Variants in ELP1 observed in about 807,000 individuals in gnomAD.
ELP1 encodes elongator acetyltransferase complex subunit 1, also known as elongator complex protein 1.
In ELP1, 131 loss-of-function variants were observed where a neutral mutation model predicts 183.2. The ratio of observed to expected loss-of-function variants is 0.72; its 90% CI spans 0.62 to 0.83. The LOEUF is 0.83. Among genes scored for constraint, ELP1 ranks in the 40% least tolerant of loss-of-function variants. The pLI is 0.00. For synonymous variants in ELP1, 555 were observed against 569.0 expected, an observed-to-expected ratio of 0.98 and a Z score of 0.35; for missense variants, 1,550 against 1,594.9, an observed-to-expected ratio of 0.97 and a Z score of 0.48.
At chr9:108,895,602 G>C (rs541100615) in intron 25 of ELP1, among the ~76,000 whole-genome samples, 3 of 152,172 alleles carry the variant, frequency 2.0e-5, no homozygotes, top group Non-Finnish European at 4.4e-5. Context: ...TCAAGGAAGG[G>C]TTTTTAAGCA....
intron 13 of ELP1, 118 bp from the exon 14 acceptor site, chr9:108,906,603 G>T: frequency 1.2e-6 from 1 of 800,124 alleles, no homozygotes. Flanking sequence ...ATTATTTGGA[G>T]GGACAAAACC....
intron 29 of ELP1, among the ~76,000 whole-genome samples, chr9:108,886,176 T>C (rs1828114405): frequency 6.6e-6 from 1 of 152,180 alleles, no homozygotes; most frequent in South Asian, 2.1e-4. Context: ...TTTCCCCATG[T>C]GGCCTCCTAG....
intron 6 of ELP1, among the ~76,000 whole-genome samples, chr9:108,919,719 A>C (rs2132032194): frequency 6.6e-6 from 1 of 152,314 alleles, no homozygotes; most frequent in Middle Eastern, 3.4e-3. Flanking sequence ...TTTTGTTTAC[A>C]TATTGTGTAA....
Position 108,889,534 on chromosome 9 carries a change from TC to T in ELP1, c.3161-142del, listed in dbSNP as rs1467560270. On this transcript the variant is annotated intron_variant, in intron 28 of 36. Coordinates refer to ENST00000374647, the MANE Select transcript of ELP1 (RefSeq NM_003640.5). ...GGGAATAGGTATATACACCACAGAG[TC>T]CTATCTTAAATGGCAGCTAGAATCT... 1.6e-5 allele frequency: 12 copies of T among 759,704 alleles called. No homozygotes were observed. In the African/African-American group the frequency reaches 1.9e-4, roughly 12 times the overall value. The allele number at this position is 759,704 out of a possible 1,614,324, so 47.1% of individuals were successfully genotyped here.
At chr9:108,876,209 G>A (rs928735713) in intron 35 of ELP1, among the ~76,000 whole-genome samples, 1 of 152,078 alleles carries the variant, frequency 6.6e-6, no homozygotes, top group Non-Finnish European at 1.5e-5. Context: ...CCGGGGCGGT[G>A]GATGCTGCAG....
At chr9:108,898,776 A>G in intron 20 of ELP1, 27 bp from the exon 21 acceptor site, 1 of 1,531,928 alleles carries the variant, frequency 6.5e-7, no homozygotes. Flanking sequence ...AAAGAATAGA[A>G]AAGATATTCA....
At chr9:108,908,036 A>G (rs1030869422) in intron 13 of ELP1, among the ~76,000 whole-genome samples, 1 of 152,142 alleles carries the variant, frequency 6.6e-6, no homozygotes, top group African/African-American at 2.4e-5. Context: ...TCTTTCCCAC[A>G]TGATTTTTCC....
chr9:108,922,800 T>TA, intron 6 of ELP1, 42 bp downstream of exon 6: 1 of 1,486,678 alleles, frequency 6.7e-7, no homozygotes, highest in South Asian at 1.1e-5. Context: ...CAAACTTACA[T>TA]TTGTTCCAGT....
At chr9:108,908,063 A>G (rs922971128) in intron 13 of ELP1, among the ~76,000 whole-genome samples, 1 of 152,130 alleles carries the variant, frequency 6.6e-6, no homozygotes, top group African/African-American at 2.4e-5. Context: ...ACCAAGCGCT[A>G]TTGGGAGTAG....
intron 18 of ELP1, among the ~76,000 whole-genome samples, chr9:108,900,753 A>AAC (rs1352504409): frequency 1.3e-5 from 2 of 151,874 alleles, no homozygotes; most frequent in Non-Finnish European, 2.9e-5. Flanking sequence ...TAGAATAAGG[A>AAC]ACACACACAC....
At chr9:108,906,177 G>C (rs1455599417) in intron 14 of ELP1, 126 bp downstream of exon 14, 3 of 860,354 alleles carry the variant, frequency 3.5e-6, no homozygotes, top group Non-Finnish European at 3.8e-6. Context: ...CTTGTTAAGT[G>C]TGTCTAACAA....
At chr9:108,882,287 G>T in intron 29 of ELP1, 100 bp from the exon 30 acceptor site, 1 of 940,666 alleles carries the variant, frequency 1.1e-6, no homozygotes, top group South Asian at 1.3e-5. Context: ...CTATCTCCCT[G>T]GCCAGGGGAG....
At chr9:108,905,150 A>G (rs1388555697) in intron 14 of ELP1, among the ~76,000 whole-genome samples, 1 of 152,252 alleles carries the variant, frequency 6.6e-6, no homozygotes, top group Non-Finnish European at 1.5e-5. Context: ...ACGAAAGACT[A>G]TGAGTCAAAG....
In ELP1 at chr9:108,885,496, A is replaced by C. The variant is rs1438803582; in HGVS notation, c.3223-3309T>G. On this transcript the variant is annotated intron_variant, in intron 29 of 36. Coordinates refer to ENST00000374647, the MANE Select transcript of ELP1 (RefSeq NM_003640.5). Reference sequence around the variant, plus strand: ...AAACTTGAATAGGCTAATGTCTACTAAAGTAACTGAACTAATAGTGGAAAA... The same window carrying C: ...AAACTTGAATAGGCTAATGTCTACTCAAGTAACTGAACTAATAGTGGAAAA... Among the ~76,000 whole-genome samples, 3 of 131,386 alleles carry C rather than the reference A, an allele frequency of 2.3e-5. No homozygotes were observed. The Admixed American group carries it at 2.4e-4, about 11-fold the overall frequency. 86.2% of individuals were successfully genotyped at this position (131,386 alleles called of 152,430 possible). A position where few individuals can be genotyped will look rare whatever the true frequency, so the allele number is the denominator to read the frequency against.
chr9:108,875,044 C>A, intron 35 of ELP1, 74 bp from the exon 36 acceptor site: 1 of 976,730 alleles, frequency 1.0e-6, no homozygotes, highest in Non-Finnish European at 1.7e-6. Flanking sequence ...AAGGCCAAAT[C>A]CCTACCCCCA....
intron 16 of ELP1, 35 bp from the exon 17 acceptor site, chr9:108,901,716 C>T: frequency 6.2e-7 from 1 of 1,602,528 alleles, no homozygotes; most frequent in African/African-American, 1.3e-5. Context: ...ACAAGCAATT[C>T]TATCTCAAAT....
At position 108,896,617 on chromosome 9, in the gene ELP1, A is replaced by T; in HGVS notation, c.2615T>A (p.Val872Glu). 1 of 1,614,014 alleles carries T rather than the reference A, an allele frequency of 6.2e-7. No individual in the cohort carries two copies. The highest frequency in any genetic ancestry group is 8.5e-7 in the Non-Finnish European group (1 of 1,179,850). Reference protein sequence around the residue: ...QGNAPSDPDAVSAEEALKYLL... With the variant: ...QGNAPSDPDAESAEEALKYLL... ...ATATTTCAAGGCCTCTTCAGCACTC[A>T]CAGCATCAGGATCAGAGGGAGCATT... The change falls in exon 25 of 37, where the codon GTG (valine) becomes GAG (glutamate). Residue 872 changes from valine to glutamate, a missense_variant. Coordinates refer to ENST00000374647, the MANE Select transcript of ELP1 (RefSeq NM_003640.5).
chr9:108,900,037 T>G (rs1031097803), intron 19 of ELP1, 142 bp from the exon 20 acceptor site: 49 of 837,494 alleles, frequency 5.9e-5, no homozygotes, highest in Non-Finnish European at 8.8e-5. Flanking sequence ...CTTGTTGTTC[T>G]CTATATTTAT....
intron 27 of ELP1, among the ~76,000 whole-genome samples, chr9:108,892,553 CA>C (rs1357509764): frequency 6.6e-6 from 1 of 152,134 alleles, no homozygotes; most frequent in African/African-American, 2.4e-5. Flanking sequence ...TCCTCATCTA[CA>C]AATTGTGTAC....
Sources: gnomAD v4.1 joint callset for allele counts (sites outside exome capture counted in the v4.1 genomes callset) on GRCh38, gnomAD v4.1.1 for gene constraint, MANE v1.5 for transcripts, NCBI Gene and HGNC (gene_info 2026-07-23, HGNC 2026-07-21) for gene names.